Variants in TUSC3 observed in about 807,000 individuals in gnomAD.
The protein encoded by TUSC3 is tumor suppressor candidate 3.
Under a neutral mutation model 44.8 loss-of-function variants are expected in TUSC3, and 45 were observed. The ratio of observed to expected loss-of-function variants is 1.00; its 90% CI spans 0.79 to 1.29. The LOEUF (loss-of-function observed/expected upper bound fraction) is 1.29, where lower values mean the gene tolerates loss of function less well. TUSC3 is among the 50% of genes most tolerant of loss of function. The pLI is 0.00. For missense variants in TUSC3, 519 were observed against 437.9 expected (o/e 1.19, Z -1.65); for synonymous variants, 212 against 152.9 (o/e 1.39, Z -2.85).
intron 7 of TUSC3, among the ~76,000 whole-genome samples, chr8:15,731,906 A>G (rs765641193): frequency 1.3e-5 from 2 of 152,134 alleles, no homozygotes; most frequent in Non-Finnish European, 2.9e-5. Context: ...CACTGCATCA[A>G]GTGGTGGTAT....
the TUSC3 span, among the ~76,000 whole-genome samples, chr8:15,790,190 T>G: frequency 7.3e-6 from 1 of 136,198 alleles, no homozygotes; most frequent in Non-Finnish European, 1.6e-5. Context: ...TTTTTTTTTT[T>G]TTTTTTTTTT....
At chr8:15,652,535 TCTC>T (rs1363786504) in intron 3 of TUSC3, among the ~76,000 whole-genome samples, 1 of 152,040 alleles carries the variant, frequency 6.6e-6, no homozygotes, top group African/African-American at 2.4e-5. Flanking sequence ...CATACATAGT[TCTC>T]CTCTATAAGC....
the TUSC3 span, among the ~76,000 whole-genome samples, chr8:15,836,412 G>A: frequency 2.0e-5 from 3 of 150,826 alleles, no homozygotes; most frequent in Non-Finnish European, 4.4e-5. Context: ...GGGAGGTGGA[G>A]GTTGCAGTGA....
intron 6 of TUSC3, among the ~76,000 whole-genome samples, chr8:15,713,881 T>G (rs1280532803): frequency 6.6e-6 from 1 of 152,168 alleles, no homozygotes; most frequent in Non-Finnish European, 1.5e-5. Flanking sequence ...TAATACTCAG[T>G]TGACATTTGT....
chr8:15,751,479 T>G (rs1448759863), intron 9 of TUSC3, among the ~76,000 whole-genome samples: 1 of 152,154 alleles, frequency 6.6e-6, no homozygotes, highest in Non-Finnish European at 1.5e-5. Flanking sequence ...CTACCGGTTC[T>G]CACTCTCTCA....
chr8:15,694,953 G>T (rs929044124), intron 6 of TUSC3, among the ~76,000 whole-genome samples: 6 of 152,316 alleles, frequency 3.9e-5, no homozygotes, highest in African/African-American at 1.4e-4. Flanking sequence ...CCAAGCTGAG[G>T]TATTGGGTGT....
intron 2 of TUSC3, among the ~76,000 whole-genome samples, chr8:15,630,000 G>T (rs903937984): frequency 7.6e-6 from 1 of 131,978 alleles, no homozygotes; most frequent in Non-Finnish European, 1.7e-5. Flanking sequence ...CCTCCCTTAA[G>T]TGTTAGCTCC....
At chr8:15,680,754 A>G (rs981417773) in intron 6 of TUSC3, among the ~76,000 whole-genome samples, 1 of 151,846 alleles carries the variant, frequency 6.6e-6, no homozygotes, top group African/African-American at 2.4e-5. Context: ...ACTATTTTGA[A>G]GTATATTCCT....
chr8:15,708,069 C>T (rs533731769), intron 6 of TUSC3, among the ~76,000 whole-genome samples: 2 of 151,836 alleles, frequency 1.3e-5, no homozygotes, highest in Non-Finnish European at 2.9e-5. Context: ...GGATTTTGGG[C>T]CCTCCTAAAT....
chr8:15,448,013 A>G lies in TUSC3; in HGVS notation n.91+30708A>G, dbSNP rs189326435. 1.1e-4 allele frequency among the ~76,000 whole-genome samples: 16 copies of G among 150,860 alleles called. No individual in the cohort carries two copies. The East Asian group carries it at 2.5e-3, about 24-fold the overall frequency. ...ACACTAGCAATATTTTAAGTAATCA[A>G]TAGCCAGGCATAATTAGTGGCTACC... On this transcript the variant is annotated intron_variant and non_coding_transcript_variant, in intron 1 of 5. Transcript: ENST00000503191.
At chr8:15,599,551 T>A (rs1804197397) in intron 1 of TUSC3, among the ~76,000 whole-genome samples, 1 of 151,724 alleles carries the variant, frequency 6.6e-6, no homozygotes. Flanking sequence ...TATAGTAGTT[T>A]TATAGTTTTG....
intron 1 of TUSC3, among the ~76,000 whole-genome samples, chr8:15,569,462 C>T (rs913266845): frequency 6.6e-6 from 1 of 152,088 alleles, no homozygotes; most frequent in Non-Finnish European, 1.5e-5. Flanking sequence ...GTTTATTTAA[C>T]TTGCCTTGGA....
In TUSC3 at chr8:15,654,751, C is replaced by G. The variant is rs146698609; in HGVS notation, c.426+3937C>G. ...TATTGAGGTTGCAGTGAGCCGAGAT[C>G]GTGCCATTGCCCTCCAGCCTGGGTG... On this transcript the variant is annotated intron_variant, in intron 3 of 10. Transcript: ENST00000503731. 3.3e-5 allele frequency among the ~76,000 whole-genome samples: 5 copies of G among 151,920 alleles called. No individual in the cohort carries two copies. The East Asian group carries it at 9.7e-4, about 29-fold the overall frequency.
intron 1 of TUSC3, among the ~76,000 whole-genome samples, chr8:15,567,978 G>C (rs539290338): frequency 6.6e-6 from 1 of 151,990 alleles, no homozygotes; most frequent in Non-Finnish European, 1.5e-5. Flanking sequence ...TCTCCTCTTT[G>C]TTTTCATGTT....
At chr8:15,754,666 C>T (rs1282387447) in intron 9 of TUSC3, among the ~76,000 whole-genome samples, 1 of 152,112 alleles carries the variant, frequency 6.6e-6, no homozygotes, top group Admixed American at 6.6e-5. Flanking sequence ...TATGCCTCCG[C>T]CTTTTAGCCC....
chr8:15,437,240 A>G (rs995410280), intron 1 of TUSC3, among the ~76,000 whole-genome samples: 6 of 152,322 alleles, frequency 3.9e-5, no homozygotes, highest in Non-Finnish European at 5.9e-5. Flanking sequence ...TTTAATGGGC[A>G]AAACTTTTCC....
chr8:15,602,666 ATGTGTGTGTGTGTG>A (rs60206119), intron 1 of TUSC3, among the ~76,000 whole-genome samples: 29 of 145,972 alleles, frequency 2.0e-4, no homozygotes, highest in African/African-American at 6.5e-4. Flanking sequence ...AAATATTTAT[ATGTGTGTGTGTGTG>A]TGTGTGTGTG....
intron 1 of TUSC3, among the ~76,000 whole-genome samples, chr8:15,479,034 G>A (rs1215278105): frequency 1.3e-5 from 2 of 152,164 alleles, no homozygotes; most frequent in Non-Finnish European, 2.9e-5. Flanking sequence ...AATAATTAGT[G>A]ATGTTGAACT....
At chr8:15,615,668 T>C (rs1804956642) in intron 1 of TUSC3, among the ~76,000 whole-genome samples, 1 of 152,202 alleles carries the variant, frequency 6.6e-6, no homozygotes, top group African/African-American at 2.4e-5. Context: ...TGATACATAT[T>C]CTAATTACCC....
Sources: allele counts gnomAD v4.1 joint callset (sites outside exome capture counted in the v4.1 genomes callset), GRCh38; gene constraint gnomAD v4.1.1; transcripts MANE v1.5; gene names NCBI Gene and HGNC (gene_info 2026-07-23, HGNC 2026-07-21).